MAMSTR: variants seen among roughly 807,000 people sequenced by gnomAD.
The protein encoded by MAMSTR is MEF2-activating motif and SAP domain-containing transcriptional regulator.
MAMSTR carries 41 observed loss-of-function variants against 42.7 expected under a neutral mutation model. The ratio of observed to expected loss-of-function variants is 0.96; its 90% CI spans 0.75 to 1.25. The LOEUF (loss-of-function observed/expected upper bound fraction) is 1.25. Among genes scored for constraint, MAMSTR ranks in the 50% most tolerant of loss-of-function variants. MAMSTR has a pLI of 0.00. For synonymous variants in MAMSTR, 265 were observed against 244.1 expected (o/e 1.09, Z -0.80); for missense variants, 567 against 557.6 (o/e 1.02, Z -0.17).
chr19:48,719,045 A>G lies in MAMSTR; in HGVS notation c.-14T>C. 6.4e-7 allele frequency: 1 copy of G among 1,550,746 alleles called. No homozygotes were observed. ...CGCCAGGGTCATTGCCAAGGCCGGG[A>G]TGGGGACCTGGACGGAGAGGGGGCA... On this transcript the variant is annotated 5_prime_UTR_variant, in exon 2 of 10. Coordinates refer to ENST00000318083, the MANE Select transcript of MAMSTR (RefSeq NM_001130915.2). The surrounding 1 kb of genome is among the most constrained non-coding windows in gnomAD (Gnocchi z 4.4).
chr19:48,717,079 G>A, intron 2 of MAMSTR: 1 of 764,496 alleles, frequency 1.3e-6, no homozygotes, highest in Non-Finnish European at 1.6e-6. Flanking sequence ...TTGGCAGCCT[G>A]GCCCCTTTGC....
At chr19:48,707,698 G>A in the MAMSTR span, among the ~76,000 whole-genome samples, 4 of 150,236 alleles carry the variant, frequency 2.7e-5, no homozygotes, top group South Asian at 2.1e-4. Context: ...CTGACATATC[G>A]CCACTGTACT....
rs1000350657 is a variant in MAMSTR, at chr19:48,718,911, C to T, written c.58+63G>A. On this transcript the variant is annotated intron_variant, in intron 2 of 9. Transcript: ENST00000318083. Reference sequence around the variant, plus strand: ...CATGGGACCTACCACCCCTCCCTTCCCACCCCAGAGTACAGCATTCTCAGG... The same window carrying T: ...CATGGGACCTACCACCCCTCCCTTCTCACCCCAGAGTACAGCATTCTCAGG... The T allele has an allele frequency of 1.4e-5, 20 of 1,400,868 alleles. No individual in the cohort carries two copies. The Middle Eastern group carries it at 8.8e-4, about 62-fold the overall frequency. The allele number at this position is 1,400,868 out of a possible 1,614,324, so 86.8% of individuals were successfully genotyped here. A position where few individuals can be genotyped will look rare whatever the true frequency, so the allele number is the denominator to read the frequency against.
chr19:48,718,690 G>C (rs911666320), intron 2 of MAMSTR, among the ~76,000 whole-genome samples: 2 of 151,808 alleles, frequency 1.3e-5, no homozygotes, highest in East Asian at 1.9e-4. Context: ...CTGCCCCTGC[G>C]TGTGCGCCAG....
intron 3 of MAMSTR, 167 bp from the exon 4 acceptor site, chr19:48,715,934 G>A: frequency 2.1e-6 from 3 of 1,410,712 alleles, no homozygotes; most frequent in Non-Finnish European, 2.8e-6. Flanking sequence ...GCGGAGGTGT[G>A]GGGGGGCTCC....
chr19:48,714,314 G>T, intron 7 of MAMSTR, 52 bp downstream of exon 7: 1 of 1,319,134 alleles, frequency 7.6e-7, no homozygotes, highest in South Asian at 1.9e-5. Flanking sequence ...CCCCGCCCCG[G>T]CCCACTTTGC....
chr19:48,714,430 G>A lies in MAMSTR; in HGVS notation c.659C>T (p.Pro220Leu), dbSNP rs1368242531. ...ERPKPRREDSPAGAPWPRLKP... is the reference protein window; with the variant it reads ...ERPKPRREDSLAGAPWPRLKP... ...GAGGCGCGGCCAGGGAGCACCCGCG[G>A]GACTGTCCTCGCGCCGCGGCTTCGG... is the stretch of plus-strand genomic sequence containing the variant. The change falls in exon 7 of 10, where the codon CCC (proline) becomes CTC (leucine). Residue 220 changes from proline (P) to leucine (L), a missense_variant. Physicochemically the swap from Pro to Leu is moderately conservative, Grantham distance 98. Coordinates refer to ENST00000318083, the MANE Select transcript of MAMSTR (RefSeq NM_001130915.2). 1.4e-6 allele frequency: 2 copies of A among 1,386,362 alleles called. No homozygotes were observed. Among genetic ancestry groups the A allele is most frequent in the East Asian group, 3.0e-5 (1 of 33,346 alleles). The allele number at this position is 1,386,362 out of a possible 1,614,324, so 85.9% of individuals were successfully genotyped here.
At chr19:48,707,791 A>T, downstream of MAMSTR, among the ~76,000 whole-genome samples, 1 of 115,686 alleles carries the variant, frequency 8.6e-6, no homozygotes, top group South Asian at 2.5e-4. Flanking sequence ...AAAGAAAGAA[A>T]CAAAGAAGGA....
rs932796911 is a variant in MAMSTR, at chr19:48,719,337, A to G, written c.-21-285T>C. Among the ~76,000 whole-genome samples the G allele has an allele frequency of 1.3e-5, 2 of 151,972 alleles. No individual in the cohort carries two copies. The highest frequency in any genetic ancestry group is 2.9e-5 in the Non-Finnish European group (2 of 67,964). ...GATCCTGGGAGGGGAGGGACCTGGA[A>G]TCTGGGACTCCTGGGTCCTGAGGAG... On this transcript the variant is annotated intron_variant, in intron 1 of 9. Transcript: ENST00000318083. This position sits in a 1 kb window ranked among gnomAD's most constrained non-coding sequence, Gnocchi z 4.4.
In MAMSTR at chr19:48,719,629, T is replaced by G. The variant is rs932934206; in HGVS notation, c.-22+50A>C. 2.6e-5 allele frequency: 4 copies of G among 153,602 alleles called. No individual in the cohort carries two copies. The highest frequency in any genetic ancestry group is 9.7e-5 in the African/African-American group (4 of 41,362). The allele number at this position is 153,602 out of a possible 1,614,324, so 9.5% of individuals were successfully genotyped here. ...GAAGGGACTGGGACCAGAGAGGGGA[T>G]AGAACCGTTGAGGAGTGCGCCCCCC... On this transcript the variant is annotated intron_variant, in intron 1 of 9. Transcript: ENST00000318083. This position sits in a 1 kb window ranked among gnomAD's most constrained non-coding sequence, Gnocchi z 4.4.
chr19:48,718,373 C>T (rs1383139103), intron 2 of MAMSTR, among the ~76,000 whole-genome samples: 2 of 149,264 alleles, frequency 1.3e-5, no homozygotes, highest in South Asian at 4.2e-4. Context: ...GAAACACTTG[C>T]ACACTTCTTT....
At chr19:48,716,873 C>T in intron 2 of MAMSTR, 130 bp from the exon 3 acceptor site, 2 of 1,229,816 alleles carry the variant, frequency 1.6e-6, no homozygotes, top group Non-Finnish European at 2.0e-6. Context: ...ACAGCCTGTG[C>T]AGGCGGGTGG....
chr19:48,716,916 G>A (rs1321123769), intron 2 of MAMSTR, 173 bp from the exon 3 acceptor site: 6 of 1,207,802 alleles, frequency 5.0e-6, no homozygotes, highest in Non-Finnish European at 4.1e-6. Context: ...CGGGCCTCCC[G>A]CCTGCTCCCT....
downstream of MAMSTR, among the ~76,000 whole-genome samples, chr19:48,712,391 T>C (rs75820816): frequency 0.016 from 2,495 of 152,012 alleles, 62 homozygotes; most frequent in African/African-American, 0.056. Context: ...TCTGCTGGTT[T>C]CTCCTGGGAA....
chr19:48,715,986 A>C (rs2033007883), intron 3 of MAMSTR: 5 of 1,342,068 alleles, frequency 3.7e-6, no homozygotes, highest in Non-Finnish European at 1.9e-6. Flanking sequence ...TTCTATCACA[A>C]AGGGGTGTGG....
intron 3 of MAMSTR, 51 bp from the exon 4 acceptor site, chr19:48,715,818 C>T (rs1405396283): frequency 2.6e-6 from 4 of 1,511,988 alleles, no homozygotes; most frequent in Non-Finnish European, 3.5e-6. Flanking sequence ...CAAGCCAGGC[C>T]GGGAGGAGCA....
chr19:48,709,643 C>T (rs1001939956), downstream of MAMSTR, among the ~76,000 whole-genome samples: 2 of 152,138 alleles, frequency 1.3e-5, no homozygotes, highest in African/African-American at 4.8e-5. Flanking sequence ...CTGACCCTCC[C>T]AGGGATAGCC....
chr19:48,715,835 T>C, intron 3 of MAMSTR, 68 bp from the exon 4 acceptor site: 1 of 1,493,854 alleles, frequency 6.7e-7, no homozygotes, highest in Non-Finnish European at 8.8e-7. Context: ...AGCAAGGCTG[T>C]GTGGAAAGCG....
In MAMSTR at chr19:48,718,629, C is replaced by A. The variant is rs115738123; in HGVS notation, c.58+345G>T. On this transcript the variant is annotated intron_variant, in intron 2 of 9. Transcript: ENST00000318083. Reference sequence around the variant, plus strand: ...CTTTCACAGCTTGACAGCTCATTGTCCCCTCACCCAAACTCCCACACTGGT... The same window carrying A: ...CTTTCACAGCTTGACAGCTCATTGTACCCTCACCCAAACTCCCACACTGGT... Among the ~76,000 whole-genome samples the A allele has an allele frequency of 8.9e-3, 1,352 of 152,130 alleles. 19 individuals carry two copies. Among genetic ancestry groups the A allele is most frequent in the African/African-American group, 0.031 (1,298 of 41,510 alleles).
Sources: allele counts gnomAD v4.1 joint callset (sites outside exome capture counted in the v4.1 genomes callset), GRCh38; gene constraint gnomAD v4.1.1; non-coding constraint Gnocchi (gnomAD v3.1); transcripts MANE v1.5; gene names NCBI Gene and HGNC (gene_info 2026-07-23, HGNC 2026-07-21).